Variants in SLIT1 observed in about 807,000 individuals in gnomAD.
SLIT1 encodes slit homolog 1 protein.
A neutral mutation model predicts 186.1 loss-of-function variants in SLIT1; 66 were observed. The observed-to-expected ratio is 0.35, with a 90% CI of 0.29 to 0.44. The LOEUF is 0.44. SLIT1 is among the 20% of genes least tolerant of loss of function. The probability of loss-of-function intolerance (pLI) is 1.00; values close to 1 mark genes in which losing one functional copy is unlikely to be tolerated. For missense variants in SLIT1, 1,638 were observed against 2,037.4 expected, an observed-to-expected ratio of 0.80 and a Z score of 3.77; for synonymous variants, 761 against 833.8, an observed-to-expected ratio of 0.91 and a Z score of 1.50.
In SLIT1 at chr10:97,010,179, G is replaced by A. The variant is rs370613364; in HGVS notation, c.3341+814C>T. The stretch of plus-strand genomic sequence containing the variant: ...CCTAAATGCCTATCAACTGATGAGT[G>A]GGTAAACAAAATGTGGTATGTCCAT... On this transcript the variant is annotated intron_variant, in intron 31 of 36. Transcript: ENST00000266058. The surrounding 1 kb of genome is among the most constrained non-coding windows in gnomAD (Gnocchi z 4.8). 1.3e-5 allele frequency among the ~76,000 whole-genome samples: 2 copies of A among 152,182 alleles called. No individual in the cohort carries two copies.
At position 97,004,830 on chromosome 10, in the gene SLIT1, G is replaced by A; in HGVS notation, c.3580-7C>T. On this transcript the variant is annotated splice_region_variant and splice_polypyrimidine_tract_variant and intron_variant, in intron 32 of 36. Coordinates refer to ENST00000266058, the MANE Select transcript of SLIT1 (RefSeq NM_003061.3). This position sits in a 1 kb window ranked among gnomAD's most constrained non-coding sequence, Gnocchi z 5.1. ...TGTCCTCTGCCGTGGAGACCTGATG[G>A]GCAGTGGCACTTTCTCTCCCACCCC... 6.2e-7 allele frequency: 1 copy of A among 1,614,072 alleles called. No homozygotes were observed. The highest frequency in any genetic ancestry group is 8.5e-7 in the Non-Finnish European group (1 of 1,179,980).
intron 1 of SLIT1, among the ~76,000 whole-genome samples, chr10:97,180,409 G>C (rs939049937): frequency 6.6e-6 from 1 of 152,194 alleles, no homozygotes; most frequent in Non-Finnish European, 1.5e-5. Context: ...CTTTCCTCCA[G>C]AGCACTTATC....
Position 97,063,578 on chromosome 10 carries a change from C to T in SLIT1, c.670G>A (p.Ala224Thr). The T allele has an allele frequency of 1.9e-6, 3 of 1,612,926 alleles. No individual in the cohort carries two copies. Among genetic ancestry groups the T allele is most frequent in the Non-Finnish European group, 2.5e-6 (3 of 1,179,592 alleles). The stretch of plus-strand genomic sequence containing the variant: ...TGCCTCAGCCACTGCGAGAGCCAGG[C>T]CAGGTGGCAGTCGCAAAACAGGTGG... ...SNHLFCDCHL[A>T]WLSQWLRQRP... The change falls in exon 8 of 37, where the codon GCC (alanine) becomes ACC (threonine). Residue 224 changes from alanine to threonine, a missense_variant. Around this residue, in one of 3 missense-constraint regions of SLIT1, gnomAD observed 1,245 missense variants for 1,535.3 expected, o/e 0.81. Coordinates refer to ENST00000266058, the MANE Select transcript of SLIT1 (RefSeq NM_003061.3).
intron 4 of SLIT1, among the ~76,000 whole-genome samples, chr10:97,141,121 C>A (rs570931751): frequency 3.3e-5 from 5 of 152,144 alleles, no homozygotes; most frequent in African/African-American, 1.2e-4. Flanking sequence ...CCCTGGCTCC[C>A]GACGACAGCT....
At chr10:97,012,877 T>G (rs777015860) in intron 30 of SLIT1, among the ~76,000 whole-genome samples, 3 of 152,212 alleles carry the variant, frequency 2.0e-5, no homozygotes, top group Non-Finnish European at 2.9e-5. Flanking sequence ...GACCACCCCT[T>G]GCTGGCCTGA....
At chr10:97,064,902 G>C in intron 5 of SLIT1, 26 bp from the exon 6 acceptor site, 3 of 1,598,782 alleles carry the variant, frequency 1.9e-6, no homozygotes, top group Non-Finnish European at 2.6e-6. Context: ...AGGTTGTAGA[G>C]AGAAGGGCAC....
chr10:97,079,127 T>C (rs1295551764), intron 4 of SLIT1, among the ~76,000 whole-genome samples: 5 of 152,242 alleles, frequency 3.3e-5, no homozygotes, highest in Non-Finnish European at 7.3e-5. Context: ...TGAGTCTGGT[T>C]ACTCATGGGT....
chr10:97,172,878 A>G (rs1053307306), intron 1 of SLIT1, among the ~76,000 whole-genome samples: 2 of 152,068 alleles, frequency 1.3e-5, no homozygotes, highest in African/African-American at 2.4e-5. Flanking sequence ...TGGGCAAGAG[A>G]GCAAGACCCT....
intron 26 of SLIT1, among the ~76,000 whole-genome samples, chr10:97,019,939 A>G (rs1848488227): frequency 6.6e-6 from 1 of 152,010 alleles, no homozygotes; most frequent in South Asian, 2.1e-4. Context: ...TCTGGGGTAG[A>G]GATGGGGTTC....
intron 2 of SLIT1, among the ~76,000 whole-genome samples, chr10:97,163,892 CG>C (rs1003141702): frequency 1.6e-4 from 25 of 152,328 alleles, no homozygotes; most frequent in Admixed American, 5.9e-4. Flanking sequence ...AGGGACAGAA[CG>C]GGGGGACCGG....
intron 4 of SLIT1, among the ~76,000 whole-genome samples, chr10:97,135,644 C>T (rs1849695568): frequency 6.6e-6 from 1 of 152,164 alleles, no homozygotes; most frequent in South Asian, 2.1e-4. Flanking sequence ...ACCCACAGCT[C>T]AGGCGCTCCC....
intron 4 of SLIT1, among the ~76,000 whole-genome samples, chr10:97,121,151 T>A (rs552788433): frequency 6.6e-6 from 1 of 152,328 alleles, no homozygotes; most frequent in Admixed American, 6.5e-5. Flanking sequence ...AAATTAATTA[T>A]CAGTGATTTG....
At position 97,001,244 on chromosome 10, in the gene SLIT1, C is replaced by G; in HGVS notation, c.4473G>C (p.Ser1491=). ...CCTGGCAGCAGCCCTGGCCTGGGCA[C>G]GAGCCCCGGCACTCCACCCATGACA... The part of the protein sequence containing the change: ...RPLSWVECRG[S]CPGQGCCQGL... Residue 1491 remains serine (S), a synonymous_variant, in exon 37 of 37, where the codon TCG becomes TCC. Transcript: ENST00000266058. The G allele has an allele frequency of 1.2e-6, 2 of 1,613,162 alleles. No individual in the cohort carries two copies. Among genetic ancestry groups the G allele is most frequent in the Non-Finnish European group, 1.7e-6 (2 of 1,179,944 alleles).
At chr10:97,059,295 C>T (rs1037292926) in intron 11 of SLIT1, among the ~76,000 whole-genome samples, 165 bp downstream of exon 11, 3 of 152,242 alleles carry the variant, frequency 2.0e-5, no homozygotes, top group African/African-American at 7.2e-5. Flanking sequence ...GAACAGCAAA[C>T]CCTTTGCAGC....
At chr10:97,180,543 T>C (rs1474916908) in intron 1 of SLIT1, among the ~76,000 whole-genome samples, 2 of 152,254 alleles carry the variant, frequency 1.3e-5, no homozygotes. Flanking sequence ...AGACGTTCAA[T>C]AGATAGCTAT....
intron 31 of SLIT1, among the ~76,000 whole-genome samples, chr10:97,008,696 C>CA (rs200303813): frequency 0.098 from 9,435 of 96,362 alleles, 416 homozygotes; most frequent in African/African-American, 0.15. Context: ...AACTCTGTCT[C>CA]AAAAAAAAAA....
chr10:97,096,967 C>A (rs1238135892), intron 4 of SLIT1, among the ~76,000 whole-genome samples: 4 of 152,244 alleles, frequency 2.6e-5, no homozygotes, highest in Non-Finnish European at 4.4e-5. Context: ...AACGTACAGC[C>A]TTCCTGCTCC....
Position 97,048,004 on chromosome 10 carries a change from G to A in SLIT1, c.1466-8C>T, listed in dbSNP as rs1382319141. The stretch of plus-strand genomic sequence containing the variant: ...TGAAGTACTGCTCTTTGGCTGGGAA[G>A]AGAAGCAGAAATACCATAATGCAGG... On this transcript the variant is annotated splice_region_variant and splice_polypyrimidine_tract_variant and intron_variant, in intron 14 of 36. Transcript: ENST00000266058. 1.2e-6 allele frequency: 2 copies of A among 1,614,092 alleles called. No homozygotes were observed. Among genetic ancestry groups the A allele is most frequent in the Admixed American group, 1.7e-5 (1 of 60,018 alleles).
At position 97,068,500 on chromosome 10, in the gene SLIT1, G is replaced by C. The variant is rs1848972101; in HGVS notation, c.414-2414C>G. Among the ~76,000 whole-genome samples the C allele has an allele frequency of 6.6e-6, 1 of 152,006 alleles. No homozygotes were observed. The highest frequency in any genetic ancestry group is 2.4e-5 in the African/African-American group (1 of 41,344). ...GGCACCCGTGTCTGAAGGGGCCTTGGCACCATCAGTGCCCCTCGTTCTTGC... is the reference window on the plus strand; with the variant it reads ...GGCACCCGTGTCTGAAGGGGCCTTGCCACCATCAGTGCCCCTCGTTCTTGC... On this transcript the variant is annotated intron_variant, in intron 4 of 36. Transcript: ENST00000266058. This position sits in a 1 kb window ranked among gnomAD's most constrained non-coding sequence, Gnocchi z 4.2.
Sources: gnomAD v4.1 joint callset for allele counts (sites outside exome capture counted in the v4.1 genomes callset) on GRCh38, gnomAD v4.1.1 for gene constraint, gnomAD v4.1.1 regional missense constraint, Gnocchi (gnomAD v3.1) non-coding constraint, MANE v1.5 for transcripts, NCBI Gene and HGNC (gene_info 2026-07-23, HGNC 2026-07-21) for gene names.